CNTLN: variants seen among roughly 807,000 people sequenced by gnomAD.
CNTLN encodes centlein.
CNTLN carries 212 observed loss-of-function variants against 180.0 expected under a neutral mutation model. The ratio of observed to expected loss-of-function variants is 1.18; its 90% confidence interval spans 1.05 to 1.32. The LOEUF is 1.32. Ranked by LOEUF, CNTLN falls within the 40% of genes most tolerant of loss-of-function variation. The pLI is 0.00. For synonymous variants in CNTLN, 722 were observed against 563.1 expected (o/e 1.28, Z -3.99); for missense variants, 2,095 against 1,610.9 (o/e 1.30, Z -5.14).
At chr9:17,495,001 C>A in intron 25 of CNTLN, 1 of 438,918 alleles carries the variant, frequency 2.3e-6, no homozygotes, top group South Asian at 1.6e-5. Context: ...GCCTCAGCCT[C>A]CTGAGTAGCT....
chr9:17,265,598 G>A (rs554744933), intron 5 of CNTLN, among the ~76,000 whole-genome samples: 1 of 152,268 alleles, frequency 6.6e-6, no homozygotes, highest in Admixed American at 6.5e-5. Flanking sequence ...GATTGGAATA[G>A]TTTCAGATGG....
intron 2 of CNTLN, among the ~76,000 whole-genome samples, chr9:17,189,639 A>C (rs530967284): frequency 3.8e-4 from 57 of 150,404 alleles, no homozygotes; most frequent in African/African-American, 1.1e-3. Context: ...GCCCACCATC[A>C]CACCTGACTA....
At chr9:17,223,087 G>T (rs1285078413) in intron 2 of CNTLN, among the ~76,000 whole-genome samples, 1 of 151,962 alleles carries the variant, frequency 6.6e-6, no homozygotes, top group Non-Finnish European at 1.5e-5. Flanking sequence ...ACGGTAATAG[G>T]CAGGTTGTGT....
intron 6 of CNTLN, among the ~76,000 whole-genome samples, chr9:17,290,572 G>T (rs1248228808): frequency 3.6e-5 from 5 of 139,428 alleles, no homozygotes; most frequent in African/African-American, 5.2e-5. Context: ...GTTTACCTAA[G>T]GAAGCCTGGG....
intron 5 of CNTLN, among the ~76,000 whole-genome samples, chr9:17,243,926 T>C (rs565406966): frequency 6.6e-6 from 1 of 152,328 alleles, no homozygotes; most frequent in African/African-American, 2.4e-5. Context: ...CCAGCTGTTA[T>C]TGTATTGGGG....
intron 5 of CNTLN, among the ~76,000 whole-genome samples, chr9:17,267,489 A>G (rs1470247837): frequency 6.6e-6 from 1 of 151,742 alleles, no homozygotes; most frequent in African/African-American, 2.4e-5. Context: ...CTTCATTTCA[A>G]CTTTGGTGAA....
intron 13 of CNTLN, among the ~76,000 whole-genome samples, chr9:17,382,361 C>T (rs1254819975): frequency 6.6e-6 from 1 of 152,156 alleles, no homozygotes; most frequent in Non-Finnish European, 1.5e-5. Context: ...CCAAAAAGAA[C>T]ATCACCAAAA....
chr9:17,172,253 T>C (rs1266627515), intron 2 of CNTLN, among the ~76,000 whole-genome samples: 1 of 152,138 alleles, frequency 6.6e-6, no homozygotes, highest in Non-Finnish European at 1.5e-5. Flanking sequence ...TGACTGCTTT[T>C]GGGACTGTTA....
chr9:17,516,628 T>G, the CNTLN span, among the ~76,000 whole-genome samples: 3 of 152,100 alleles, frequency 2.0e-5, no homozygotes, highest in Admixed American at 1.3e-4. Context: ...TGCCTTTACT[T>G]TGGGTATAGG....
Position 17,309,063 on chromosome 9 carries a change from C to A in CNTLN, c.1152C>A (p.Tyr384Ter). The change falls in exon 8 of 26, where the codon TAC becomes TAA. Residue 384 changes from tyrosine (Y) to a stop codon, truncating the protein, a stop_gained. Coordinates refer to ENST00000380647, the MANE Select transcript of CNTLN (RefSeq NM_017738.4). LOFTEE classifies it high-confidence loss of function. Reference protein sequence around the residue: ...TAESISYQKLYNELHICFETT... With the variant: ...TAESISYQKL ...GGATATATTTTTTGAAACAGCTTTA[C>A]AATGAGTTACATATTTGTTTTGAAA... 12 of 1,572,240 alleles carry A rather than the reference C, an allele frequency of 7.6e-6. No homozygotes were observed. The highest frequency in any genetic ancestry group is 1.0e-5 in the Non-Finnish European group (12 of 1,164,918).
intron 2 of CNTLN, among the ~76,000 whole-genome samples, chr9:17,185,410 A>C (rs1821366521): frequency 1.3e-5 from 2 of 152,234 alleles, no homozygotes. Context: ...ATTCCTAACT[A>C]GCATGTTGGC....
intron 8 of CNTLN, among the ~76,000 whole-genome samples, chr9:17,324,174 T>TA (rs1289484222): frequency 5.3e-5 from 8 of 152,142 alleles, no homozygotes; most frequent in African/African-American, 1.4e-4. Context: ...TTATAAAACT[T>TA]AGAGTATGTA....
At chr9:17,404,047 A>C (rs1827187455) in intron 15 of CNTLN, among the ~76,000 whole-genome samples, 1 of 151,730 alleles carries the variant, frequency 6.6e-6, no homozygotes, top group African/African-American at 2.4e-5. Flanking sequence ...AAGTGCTGGA[A>C]TTACAGGTAT....
rs1479231223 is a variant in CNTLN, at chr9:17,298,244, C to G, written c.1038C>G (p.Ala346=). Residue 346 remains alanine, a synonymous_variant, in exon 7 of 26, where the codon GCC becomes GCG. Coordinates refer to ENST00000380647, the MANE Select transcript of CNTLN (RefSeq NM_017738.4). Reference sequence around the variant, plus strand: ...ACAAACAGAACAGTACACATACAGCCCAGCAAGCAGAGCTGATCCAGCAGC... The same window carrying G: ...ACAAACAGAACAGTACACATACAGCGCAGCAAGCAGAGCTGATCCAGCAGC... ...NLYKQNSTHT[A]QQAELIQQLQ... is the part of the protein sequence containing the mutation. 2 of 1,611,470 alleles carry G rather than the reference C, an allele frequency of 1.2e-6. No homozygotes were observed. Among genetic ancestry groups the G allele is most frequent in the Non-Finnish European group, 8.5e-7 (1 of 1,179,080 alleles).
chr9:17,418,732 G>C (rs369171798), intron 18 of CNTLN, among the ~76,000 whole-genome samples: 16 of 151,898 alleles, frequency 1.1e-4, no homozygotes, highest in African/African-American at 3.9e-4. Context: ...AGTAGGTTTT[G>C]AACTTATAGG....
At chr9:17,172,877 T>C (rs1414418450) in intron 2 of CNTLN, among the ~76,000 whole-genome samples, 1 of 152,188 alleles carries the variant, frequency 6.6e-6, no homozygotes, top group African/African-American at 2.4e-5. Context: ...ATTAATATCA[T>C]ATTTATTTAT....
At chr9:17,260,540 C>A (rs1188874194) in intron 5 of CNTLN, among the ~76,000 whole-genome samples, 1 of 151,118 alleles carries the variant, frequency 6.6e-6, no homozygotes, top group African/African-American at 2.5e-5. Context: ...ACTTAAGTTT[C>A]TTATGGTTTC....
intron 18 of CNTLN, among the ~76,000 whole-genome samples, chr9:17,440,993 G>C (rs987529656): frequency 6.6e-6 from 1 of 152,178 alleles, no homozygotes; most frequent in Non-Finnish European, 1.5e-5. Context: ...TCTACAATTA[G>C]TGTGTGGTGA....
intron 2 of CNTLN, among the ~76,000 whole-genome samples, chr9:17,206,654 A>G (rs1348076480): frequency 2.0e-5 from 3 of 152,188 alleles, no homozygotes; most frequent in African/African-American, 7.2e-5. Context: ...TTGAGTCTGA[A>G]TGTGGAGGTA....
Sources: gnomAD v4.1 joint callset for allele counts (sites outside exome capture counted in the v4.1 genomes callset) on GRCh38, gnomAD v4.1.1 for gene constraint, MANE v1.5 for transcripts, NCBI Gene and HGNC (gene_info 2026-07-23, HGNC 2026-07-21) for gene names.